GRIK2: variants seen among roughly 807,000 people sequenced by gnomAD.
The protein encoded by GRIK2 is glutamate receptor ionotropic, kainate 2.
In GRIK2, 32 loss-of-function variants were observed where a neutral mutation model predicts 100.3. That is an observed-to-expected ratio of 0.32 (90% confidence interval 0.24 to 0.43). The LOEUF is 0.43. Among genes scored for constraint, GRIK2 ranks in the 20% least tolerant of loss-of-function variants. The pLI, the probability that GRIK2 is intolerant of heterozygous loss-of-function variation, is 1.00. For missense variants in GRIK2, 843 were observed against 1,114.9 expected, an observed-to-expected ratio of 0.76 and a Z score of 3.47; for synonymous variants, 417 against 389.4, an observed-to-expected ratio of 1.07 and a Z score of -0.83.
At chr6:101,644,398 A>G (rs758763937) in intron 4 of GRIK2, among the ~76,000 whole-genome samples, 2 of 151,734 alleles carry the variant, frequency 1.3e-5, no homozygotes, top group Non-Finnish European at 3.0e-5. Context: ...AGGTTGATAC[A>G]CCAGACATCA....
intron 14 of GRIK2, among the ~76,000 whole-genome samples, chr6:101,998,267 G>A (rs920292233): frequency 1.6e-4 from 25 of 152,096 alleles, no homozygotes; most frequent in East Asian, 5.8e-4. Flanking sequence ...TTTAGTATTT[G>A]TGGACCACAG....
chr6:101,682,522 T>A, intron 5 of GRIK2, 31 bp from the exon 6 acceptor site: 6 of 945,268 alleles, frequency 6.3e-6, no homozygotes, highest in Non-Finnish European at 1.0e-5. Flanking sequence ...TCCTGAAATA[T>A]GTACCTTCAG....
chr6:101,590,963 G>A (rs1376282034), intron 2 of GRIK2, among the ~76,000 whole-genome samples: 1 of 151,976 alleles, frequency 6.6e-6, no homozygotes. Context: ...TGGTCGGAAG[G>A]CAGAAACCTC....
chr6:101,948,314 CTT>C (rs1009665289), intron 14 of GRIK2, among the ~76,000 whole-genome samples: 1 of 143,950 alleles, frequency 6.9e-6, no homozygotes. Context: ...TTAGAACTGT[CTT>C]TTTTTTTTTA....
chr6:101,819,794 G>T (rs1049279963), intron 10 of GRIK2, among the ~76,000 whole-genome samples: 1 of 152,006 alleles, frequency 6.6e-6, no homozygotes, highest in African/African-American at 2.4e-5. Flanking sequence ...GTGCACCCAA[G>T]TCCCACCATA....
Position 101,694,389 on chromosome 6 carries a change from G to T in GRIK2, c.951+8036G>T, listed in dbSNP as rs1209633622. Among the ~76,000 whole-genome samples the T allele has an allele frequency of 3.3e-5, 5 of 151,996 alleles. No homozygotes were observed. In the East Asian group the frequency reaches 9.7e-4, roughly 29 times the overall value. ...ATGCTGTAAGTTAAAGGAGTGGATT[G>T]GGAAACAGTGGGATATAAATCTGGG... On this transcript the variant is annotated intron_variant, in intron 7 of 16. Transcript: ENST00000369134.
At chr6:101,504,684 T>C (rs1773931194) in intron 2 of GRIK2, among the ~76,000 whole-genome samples, 1 of 152,062 alleles carries the variant, frequency 6.6e-6, no homozygotes, top group Non-Finnish European at 1.5e-5. Context: ...CATAAAATAC[T>C]CTGTTTATTA....
At chr6:102,006,390 A>ATTTT (rs34620995) in intron 14 of GRIK2, among the ~76,000 whole-genome samples, 78 of 114,084 alleles carry the variant, frequency 6.8e-4, no homozygotes, top group African/African-American at 2.0e-3. Context: ...ATATATATAT[A>ATTTT]TTTTTTTTTT....
chr6:101,728,087 A>T (rs1428965017), intron 7 of GRIK2, among the ~76,000 whole-genome samples: 1 of 152,084 alleles, frequency 6.6e-6, no homozygotes, highest in African/African-American at 2.4e-5. Flanking sequence ...TTTTATTGAG[A>T]TAATCAAAAA....
chr6:101,767,201 T>G (rs1778092572), intron 7 of GRIK2, among the ~76,000 whole-genome samples: 1 of 152,218 alleles, frequency 6.6e-6, no homozygotes, highest in Non-Finnish European at 1.5e-5. Context: ...GCACAATACT[T>G]TTATAATTCT....
Position 102,006,648 on chromosome 6 carries a change from G to A in GRIK2, c.2086-28693G>A, listed in dbSNP as rs1458742576. On this transcript the variant is annotated intron_variant, in intron 14 of 16. Transcript: ENST00000369134. ...CTCCCAAAGTGCTGAGATTATAGGT[G>A]TGAGTCATTGCGCCTGGTCCAGCAT... Among the ~76,000 whole-genome samples, 4 of 151,816 alleles carry A rather than the reference G, an allele frequency of 2.6e-5. No homozygotes were observed. The East Asian group carries it at 5.9e-4, about 22-fold the overall frequency.
chr6:101,583,933 T>C (rs1159230910), intron 2 of GRIK2, among the ~76,000 whole-genome samples: 5 of 152,114 alleles, frequency 3.3e-5, no homozygotes, highest in African/African-American at 1.2e-4. Flanking sequence ...CAAAAGCTTT[T>C]TTAATATGGC....
chr6:101,556,396 G>A (rs1433608283), intron 2 of GRIK2, among the ~76,000 whole-genome samples: 5 of 130,012 alleles, frequency 3.8e-5, no homozygotes, highest in East Asian at 4.4e-4. Flanking sequence ...GTGCAGTGGC[G>A]CGATCTCGGC....
intron 7 of GRIK2, among the ~76,000 whole-genome samples, chr6:101,694,716 T>A (rs1275166375): frequency 2.0e-5 from 3 of 152,114 alleles, no homozygotes; most frequent in East Asian, 3.9e-4. Flanking sequence ...TAGTTTGCAT[T>A]CAGGGTAAAA....
At chr6:101,773,478 CAA>C (rs10635667) in intron 7 of GRIK2, among the ~76,000 whole-genome samples, 20 of 88,888 alleles carry the variant, frequency 2.3e-4, no homozygotes, top group Non-Finnish European at 2.9e-4. Flanking sequence ...GACTTTGTCT[CAA>C]AAAAAAAAAA....
chr6:101,483,825 C>A (rs920198869), intron 2 of GRIK2, among the ~76,000 whole-genome samples: 12 of 152,234 alleles, frequency 7.9e-5, no homozygotes, highest in Non-Finnish European at 1.6e-4. Flanking sequence ...CCGCCTCAGC[C>A]TCCCAAAGTG....
At chr6:101,655,600 A>C (rs1582901713) in intron 4 of GRIK2, among the ~76,000 whole-genome samples, 1 of 152,230 alleles carries the variant, frequency 6.6e-6, no homozygotes, top group Non-Finnish European at 1.5e-5. Context: ...TATCATTCTC[A>C]AAAATCCTGA....
chr6:102,006,391 T>TATATATA (rs1491491868), intron 14 of GRIK2, among the ~76,000 whole-genome samples: 25 of 78,242 alleles, frequency 3.2e-4, no homozygotes, highest in East Asian at 1.2e-3. Flanking sequence ...TATATATATA[T>TATATATA]TTTTTTTTTT....
intron 4 of GRIK2, among the ~76,000 whole-genome samples, chr6:101,627,112 T>C (rs1027534148): frequency 7.5e-4 from 100 of 132,620 alleles, no homozygotes; most frequent in Middle Eastern, 7.2e-3. Context: ...TGCGTGTGTG[T>C]GTCTCTGTGT....
Sources: gnomAD v4.1 joint callset for allele counts (sites outside exome capture counted in the v4.1 genomes callset) on GRCh38, gnomAD v4.1.1 for gene constraint, MANE v1.5 for transcripts, NCBI Gene and HGNC (gene_info 2026-07-23, HGNC 2026-07-21) for gene names.